Variants in DST observed in about 807,000 individuals in gnomAD.
DST encodes the protein dystonin, also known as bullous pemphigoid antigen.
DST carries 253 observed loss-of-function variants against 875.2 expected under a neutral mutation model. The ratio of observed to expected loss-of-function variants is 0.29; its 90% CI spans 0.26 to 0.32. DST has a LOEUF of 0.32. Among genes scored for constraint, DST ranks in the 10% least tolerant of loss-of-function variants. DST has a pLI of 1.00. For missense variants in DST, 8,287 were observed against 9,111.6 expected, an observed-to-expected ratio of 0.91 and a Z score of 3.68; for synonymous variants, 3,124 against 3,197.1, an observed-to-expected ratio of 0.98 and a Z score of 0.77.
chr6:56,866,618 C>T (rs1591848303), intron 3 of DST, among the ~76,000 whole-genome samples: 1 of 152,210 alleles, frequency 6.6e-6, no homozygotes, highest in African/African-American at 2.4e-5. Context: ...TGTAACTTTA[C>T]CCTCCTCACC....
intron 66 of DST, 50 bp from the exon 67 acceptor site, chr6:56,528,975 G>A: frequency 8.8e-7 from 1 of 1,138,046 alleles, no homozygotes; most frequent in Non-Finnish European, 1.3e-6. Context: ...ATTTAAGTTA[G>A]CATTAACATT....
intron 4 of DST, among the ~76,000 whole-genome samples, chr6:56,741,987 A>C (rs1458448392): frequency 3.9e-5 from 6 of 152,212 alleles, no homozygotes; most frequent in African/African-American, 1.4e-4. Flanking sequence ...TGATTATTAC[A>C]ATCTATATTG....
chr6:56,808,916 G>A (rs1322422456), intron 4 of DST, among the ~76,000 whole-genome samples: 1 of 152,174 alleles, frequency 6.6e-6, no homozygotes, highest in African/African-American at 2.4e-5. Flanking sequence ...TTTGTTGCAT[G>A]AGTCTGGTGT....
At position 56,493,000 on chromosome 6, in the gene DST, G is replaced by GGTCT; in HGVS notation, c.20480_20483dup (p.Leu6829AspfsTer20). 1 of 1,612,628 alleles carries GGTCT rather than the reference G, an allele frequency of 6.2e-7. No individual in the cohort carries two copies. Among genetic ancestry groups the GGTCT allele is most frequent in the Non-Finnish European group, 8.5e-7 (1 of 1,179,246 alleles). The stretch of plus-strand genomic sequence containing the variant: ...GACTTGGCCGAGAAGCTACATTTAG[G>GGTCT]GTCTGTTCAGCCTGAGTAAGCCAGT... On this transcript the variant is annotated frameshift_variant, in exon 84 of 104. Coordinates refer to ENST00000680361, the MANE Select transcript of DST (RefSeq NM_001374736.1). LOFTEE classifies it high-confidence loss of function.
At chr6:56,867,227 T>C (rs868730633) in intron 3 of DST, among the ~76,000 whole-genome samples, 10 of 152,350 alleles carry the variant, frequency 6.6e-5, no homozygotes, top group Middle Eastern at 3.4e-3. Flanking sequence ...CTTTCTAAGC[T>C]TTGGCTTTCT....
In DST at chr6:56,867,119, C is replaced by T. The variant is rs188478311; in HGVS notation, c.418-15515G>A. ...AGCTAACTGGGGGGATAACAGAGAA[C>T]CGAGGCTAGACCTGGCCCTGCAGTC... On this transcript the variant is annotated intron_variant, in intron 3 of 103. Coordinates refer to ENST00000680361, the MANE Select transcript of DST (RefSeq NM_001374736.1). 3.5e-3 allele frequency among the ~76,000 whole-genome samples: 534 copies of T among 152,308 alleles called. 2 individuals carry two copies. Among genetic ancestry groups the T allele is most frequent in the Middle Eastern group, 0.02 (6 of 294 alleles).
At chr6:56,580,480 T>C (rs1377305209) in intron 49 of DST, among the ~76,000 whole-genome samples, 1 of 151,958 alleles carries the variant, frequency 6.6e-6, no homozygotes, top group African/African-American at 2.4e-5. Context: ...GCCCAGGAAT[T>C]TGAGGCTGCA....
chr6:56,905,527 A>G (rs900340652), intron 2 of DST, among the ~76,000 whole-genome samples: 28 of 152,232 alleles, frequency 1.8e-4, no homozygotes, highest in Middle Eastern at 3.4e-3. Flanking sequence ...TCTGTGACTG[A>G]GTTATTGCAC....
chr6:56,720,126 C>T (rs1336004495), intron 5 of DST, among the ~76,000 whole-genome samples: 3 of 152,130 alleles, frequency 2.0e-5, no homozygotes, highest in African/African-American at 2.4e-5. Context: ...CCTACAGTTT[C>T]GACCATAGAA....
chr6:56,645,728 G>A lies in DST; in HGVS notation c.1778+138C>T, dbSNP rs7760503. 0.068 allele frequency: 67,999 copies of A among 996,360 alleles called. 7,957 individuals carry two copies. Among genetic ancestry groups the A allele is most frequent in the African/African-American group, 0.47 (28,797 of 61,240 alleles). 61.7% of individuals were successfully genotyped at this position (996,360 alleles called of 1,614,324 possible). The stretch of plus-strand genomic sequence containing the variant: ...TAAAATCTCTTAGAAGAGTTTCTAG[G>A]TAAGAAAATGGAGGATCAAAAGGAT... On this transcript the variant is annotated intron_variant, in intron 15 of 103. Coordinates refer to ENST00000680361, the MANE Select transcript of DST (RefSeq NM_001374736.1).
At chr6:56,493,244 G>A (rs182404951) in intron 83 of DST, among the ~76,000 whole-genome samples, 155 bp from the exon 84 acceptor site, 2 of 151,960 alleles carry the variant, frequency 1.3e-5, no homozygotes, top group East Asian at 1.9e-4. Flanking sequence ...AATGTAATGG[G>A]CCTCACTAAA....
Position 56,482,253 on chromosome 6 carries a change from T to C in DST, c.21403-75A>G, listed in dbSNP as rs559315779. ...TGTTAGCACAATTTACAAAACTGTA[T>C]AGTGGATTCATCCCTTCAATGAAAA... On this transcript the variant is annotated intron_variant, in intron 89 of 103. Coordinates refer to ENST00000680361, the MANE Select transcript of DST (RefSeq NM_001374736.1). 7.2e-5 allele frequency: 108 copies of C among 1,490,050 alleles called. 1 individual carries two copies. In the East Asian group the frequency reaches 2.4e-3, roughly 32 times the overall value. 92.3% of individuals were successfully genotyped at this position (1,490,050 alleles called of 1,614,324 possible).
intron 4 of DST, among the ~76,000 whole-genome samples, chr6:56,752,465 C>A (rs1158327147): frequency 6.6e-6 from 1 of 152,176 alleles, no homozygotes; most frequent in East Asian, 1.9e-4. Flanking sequence ...ACAAAGTTAT[C>A]TTGTGCCTCT....
At position 56,508,533 on chromosome 6, in the gene DST, G is replaced by A. The variant is rs748411005; in HGVS notation, c.19235C>T (p.Ala6412Val). Residue 6412 changes from alanine to valine, a missense_variant, in exon 75 of 104, where the codon GCA becomes GTA. Physicochemically the swap from Ala to Val is moderately conservative, Grantham distance 64. Around this residue, in one of 10 missense-constraint regions of DST, gnomAD observed 1,292 missense variants for 1,552.7 expected, o/e 0.83. Coordinates refer to ENST00000680361, the MANE Select transcript of DST (RefSeq NM_001374736.1). Reference protein sequence around the residue: ...PSVVKQQQEAAETIREEIDGL... With the variant: ...PSVVKQQQEAVETIREEIDGL... ...TAAATGAGATTTTCTGCTTACCTCTGCTGCTTCTTGCTGTTGTTTTACTAC... is the reference window on the plus strand; with the variant it reads ...TAAATGAGATTTTCTGCTTACCTCTACTGCTTCTTGCTGTTGTTTTACTAC... 2 of 1,612,160 alleles carry A rather than the reference G, an allele frequency of 1.2e-6. No homozygotes were observed. Among genetic ancestry groups the A allele is most frequent in the Admixed American group, 1.7e-5 (1 of 59,996 alleles).
intron 61 of DST, chr6:56,542,700 A>C (rs1289821991): frequency 2.0e-5 from 3 of 152,624 alleles, no homozygotes; most frequent in Admixed American, 6.5e-5. Flanking sequence ...AGAACTCCGG[A>C]AGGGAGCTCC....
At chr6:56,517,093 T>C in intron 71 of DST, 105 bp downstream of exon 71, 1 of 817,202 alleles carries the variant, frequency 1.2e-6, no homozygotes, top group South Asian at 1.5e-5. Context: ...TTTTGCTGCT[T>C]AAATGGCAGC....
chr6:56,704,008 A>G (rs780107980), intron 6 of DST, among the ~76,000 whole-genome samples: 4 of 152,210 alleles, frequency 2.6e-5, no homozygotes, highest in Non-Finnish European at 5.9e-5. Flanking sequence ...AAAAAAACCC[A>G]AAGGTAAAAA....
chr6:56,499,797 A>T (rs1187488780), intron 80 of DST, among the ~76,000 whole-genome samples: 1 of 152,146 alleles, frequency 6.6e-6, no homozygotes, highest in East Asian at 1.9e-4. Flanking sequence ...TGTTACCTTT[A>T]AGACAGTTGA....
chr6:56,888,824 T>C (rs1193454323), intron 3 of DST, among the ~76,000 whole-genome samples: 1 of 152,020 alleles, frequency 6.6e-6, no homozygotes, highest in African/African-American at 2.4e-5. Flanking sequence ...TCCCCAAGAC[T>C]GAAAAACAGA....
Sources: allele counts gnomAD v4.1 joint callset (sites outside exome capture counted in the v4.1 genomes callset), GRCh38; gene constraint gnomAD v4.1.1; regional missense constraint gnomAD v4.1.1; transcripts MANE v1.5; gene names NCBI Gene and HGNC (gene_info 2026-07-23, HGNC 2026-07-21).